Variants in PSPC1 observed in about 807,000 individuals in gnomAD.
The protein encoded by PSPC1 is paraspeckle component 1.
In PSPC1, 14 loss-of-function variants were observed where a neutral mutation model predicts 51.6. That is an observed-to-expected ratio of 0.27 (90% CI 0.18 to 0.42). The LOEUF (loss-of-function observed/expected upper bound fraction) is 0.42. Among genes scored for constraint, PSPC1 ranks in the 10% least tolerant of loss-of-function variants. PSPC1 has a pLI of 1.00. For synonymous variants in PSPC1, 193 were observed against 231.9 expected (o/e 0.83, Z 1.53); for missense variants, 406 against 701.1 (o/e 0.58, Z 4.75).
intron 1 of PSPC1, among the ~76,000 whole-genome samples, chr13:19,777,382 A>G (rs1889265550): frequency 6.8e-6 from 1 of 146,654 alleles, no homozygotes; most frequent in Non-Finnish European, 1.5e-5. Context: ...GTGAGCCAAG[A>G]TCACACCGCT....
In PSPC1 at chr13:19,709,397, C is replaced by T. The variant is rs557534887; in HGVS notation, c.1216+145G>A. 23 of 543,136 alleles carry T rather than the reference C, an allele frequency of 4.2e-5. No homozygotes were observed. The South Asian group carries it at 7.7e-4, about 18-fold the overall frequency. 33.6% of individuals were successfully genotyped at this position (543,136 alleles called of 1,614,324 possible). A position where few individuals can be genotyped will look rare whatever the true frequency, so the allele number is the denominator to read the frequency against. ...ATTTTTAATATAATTGTATTGTATT[C>T]CAGTTTAATGGATGTAAGAGATTTC... is the stretch of plus-strand genomic sequence containing the variant. On this transcript the variant is annotated intron_variant, in intron 7 of 8. Transcript: ENST00000338910.
At chr13:19,703,776 G>GT (rs1433927635) in intron 8 of PSPC1, among the ~76,000 whole-genome samples, 1 of 151,942 alleles carries the variant, frequency 6.6e-6, no homozygotes, top group Non-Finnish European at 1.5e-5. Context: ...CATCAATTCG[G>GT]TTTTTTAAAA....
chr13:19,741,638 G>T lies in PSPC1; in HGVS notation c.979C>A (p.Arg327Ser). 6.3e-7 allele frequency: 1 copy of T among 1,594,376 alleles called. No homozygotes were observed. The highest frequency in any genetic ancestry group is 8.6e-7 in the Non-Finnish European group (1 of 1,168,384). Residue 327 changes from arginine to serine, a missense_variant, in exon 5 of 9, where the codon CGT (arginine) becomes AGT (serine). Transcript: ENST00000338910. ...LMLMRQDLMR[R>S]QEELRRLEEL... ...TCCAAGCGTCTGAGTTCTTCTTGAC[G>T]CCTCATTAGATCTATAAAATAATGA...
At position 19,782,203 on chromosome 13, in the gene PSPC1, C is replaced by A. The variant is rs1890051186; in HGVS notation, c.372+183G>T. 6.6e-6 allele frequency among the ~76,000 whole-genome samples: 1 copy of A among 152,200 alleles called. No homozygotes were observed. Among genetic ancestry groups the A allele is most frequent in the South Asian group, 2.1e-4 (1 of 4,822 alleles). On this transcript the variant is annotated intron_variant, in intron 1 of 8. Transcript: ENST00000338910. The surrounding 1 kb of genome is among the most constrained non-coding windows in gnomAD (Gnocchi z 4.5). ...GCAGGAAATCCCGGGACCGTGAACT[C>A]GAAACCAAAGGCGCCGAGCTGGGGA... is the stretch of plus-strand genomic sequence containing the variant.
At chr13:19,691,749 T>C (rs1434929684) in intron 6 of PSPC1, among the ~76,000 whole-genome samples, 2 of 152,050 alleles carry the variant, frequency 1.3e-5, no homozygotes, top group Admixed American at 6.5e-5. Context: ...TGAAACCTCA[T>C]CCCTACAAAA....
chr13:19,721,837 C>G (rs530408964), intron 6 of PSPC1, among the ~76,000 whole-genome samples: 61 of 152,294 alleles, frequency 4.0e-4, no homozygotes, highest in Admixed American at 2.9e-3. Context: ...GTTTCTTTGG[C>G]TGCTTTTAAA....
At chr13:19,758,516 C>T (rs1002399347) in intron 3 of PSPC1, among the ~76,000 whole-genome samples, 3 of 151,966 alleles carry the variant, frequency 2.0e-5, no homozygotes, top group African/African-American at 7.2e-5. Flanking sequence ...CTACAATAGA[C>T]TTGAAGCACA....
chr13:19,754,342 T>G (rs1298998868), intron 3 of PSPC1, among the ~76,000 whole-genome samples: 1 of 151,732 alleles, frequency 6.6e-6, no homozygotes, highest in Non-Finnish European at 1.5e-5. Flanking sequence ...CACTTTGGCC[T>G]CCCAAAGTGC....
chr13:19,720,929 A>G (rs1882694606), intron 6 of PSPC1, among the ~76,000 whole-genome samples: 1 of 152,180 alleles, frequency 6.6e-6, no homozygotes, highest in Non-Finnish European at 1.5e-5. Flanking sequence ...GAAAGTTTAT[A>G]ATTATAATAA....
chr13:19,731,945 T>C (rs1884168239), intron 5 of PSPC1, among the ~76,000 whole-genome samples: 1 of 152,172 alleles, frequency 6.6e-6, no homozygotes, highest in Non-Finnish European at 1.5e-5. Context: ...TGATGCCCCA[T>C]TATTAGGTCT....
intron 6 of PSPC1, among the ~76,000 whole-genome samples, chr13:19,726,408 T>TG (rs1447871231): frequency 6.6e-6 from 1 of 152,238 alleles, no homozygotes; most frequent in African/African-American, 2.4e-5. Context: ...TCAAAATACT[T>TG]GGAGGACTGA....
At chr13:19,718,929 T>C (rs1882442860) in intron 6 of PSPC1, among the ~76,000 whole-genome samples, 1 of 152,188 alleles carries the variant, frequency 6.6e-6, no homozygotes, top group African/African-American at 2.4e-5. Context: ...AACTAAACTA[T>C]GGAGACGATA....
intron 5 of PSPC1, among the ~76,000 whole-genome samples, chr13:19,730,965 CAA>C (rs56753561): frequency 8.0e-5 from 3 of 37,358 alleles, no homozygotes; most frequent in African/African-American, 1.4e-4. Context: ...AACAAAAAAA[CAA>C]AAAAAAAAAA....
At position 19,732,338 on chromosome 13, in the gene PSPC1, T is replaced by G. The variant is rs556171072; in HGVS notation, c.1053-1994A>C. On this transcript the variant is annotated intron_variant, in intron 5 of 8. Coordinates refer to ENST00000338910, the MANE Select transcript of PSPC1 (RefSeq NM_001354909.2). The stretch of plus-strand genomic sequence containing the variant: ...TCACATTCATGGGTGTGGGTGGCGA[T>G]GGGAAGATCCAATAAAGGTCAAATG... 3.5e-4 allele frequency among the ~76,000 whole-genome samples: 53 copies of G among 152,308 alleles called. 1 individual carries two copies. The highest frequency in any genetic ancestry group is 7.1e-4 in the Non-Finnish European group (48 of 68,030).
intron 4 of PSPC1, among the ~76,000 whole-genome samples, chr13:19,743,986 TA>T (rs1885696848): frequency 6.6e-6 from 1 of 152,036 alleles, no homozygotes; most frequent in Non-Finnish European, 1.5e-5. Context: ...CGCATGCCTG[TA>T]ATCAGAGCTA....
chr13:19,735,836 T>G (rs1000826876), intron 5 of PSPC1, among the ~76,000 whole-genome samples: 7 of 152,142 alleles, frequency 4.6e-5, no homozygotes, highest in Non-Finnish European at 5.9e-5. Flanking sequence ...AAAAATTTTT[T>G]TTTTGAGACG....
At chr13:19,763,970 T>A (rs1328050205) in intron 2 of PSPC1, among the ~76,000 whole-genome samples, 1 of 151,998 alleles carries the variant, frequency 6.6e-6, no homozygotes, top group East Asian at 1.9e-4. Flanking sequence ...ACCACTGCAC[T>A]CCAGCCTGGG....
chr13:19,774,290 T>C (rs563442425), intron 1 of PSPC1, among the ~76,000 whole-genome samples: 16 of 152,288 alleles, frequency 1.1e-4, no homozygotes, highest in South Asian at 6.2e-4. Flanking sequence ...TTTATATGTA[T>C]ATGTAAGAAG....
chr13:19,696,487 T>TCA (rs1198591152), intron 6 of PSPC1, among the ~76,000 whole-genome samples: 5 of 144,936 alleles, frequency 3.4e-5, no homozygotes, highest in African/African-American at 5.2e-5. Flanking sequence ...TAGGCCTTTA[T>TCA]CACACACACA....
Sources: allele counts gnomAD v4.1 joint callset (sites outside exome capture counted in the v4.1 genomes callset), GRCh38; gene constraint gnomAD v4.1.1; non-coding constraint Gnocchi (gnomAD v3.1); transcripts MANE v1.5; gene names NCBI Gene and HGNC (gene_info 2026-07-23, HGNC 2026-07-21).